Variants in FMO2 observed in about 807,000 individuals in gnomAD.
FMO2 encodes the protein flavin-containing monooxygenase 2.
A neutral mutation model predicts 41.6 loss-of-function variants in FMO2; 33 were observed. That is an observed-to-expected ratio of 0.79 (90% CI 0.60 to 1.06). The LOEUF (loss-of-function observed/expected upper bound fraction) is 1.06. Ranked by LOEUF, FMO2 falls within the 50% of genes least tolerant of loss-of-function variation. FMO2 has a pLI of 0.00. For synonymous variants in FMO2, 214 were observed against 219.6 expected (o/e 0.97, Z 0.23); for missense variants, 619 against 632.9 (o/e 0.98, Z 0.23).
intron 7 of FMO2, among the ~76,000 whole-genome samples, chr1:171,205,842 A>G (rs1658740422): frequency 6.6e-6 from 1 of 152,206 alleles, no homozygotes; most frequent in African/African-American, 2.4e-5. Flanking sequence ...ACCTGCAATC[A>G]TCCTTTTAAA....
chr1:171,190,819 T>C (rs1271478901), intron 2 of FMO2, among the ~76,000 whole-genome samples: 2 of 152,226 alleles, frequency 1.3e-5, no homozygotes, highest in African/African-American at 4.8e-5. Flanking sequence ...GGGTCTTTTT[T>C]AGCTGCTATT....
chr1:171,194,583 A>T (rs1254643227), intron 3 of FMO2, among the ~76,000 whole-genome samples: 1 of 152,106 alleles, frequency 6.6e-6, no homozygotes, highest in African/African-American at 2.4e-5. Context: ...TACAGTGAAA[A>T]TCTGTCTCTA....
rs1659012276 is a variant in FMO2, at chr1:171,212,274, C to T, written c.*3129C>T. ...AGTTTGGCTCCCTCTTTTCCTCACA[C>T]ACTCTTTTTCCCTTCTGCCTTCACC... On this transcript the variant is annotated 3_prime_UTR_variant, in exon 9 of 9. Transcript: ENST00000209929. 6.6e-6 allele frequency among the ~76,000 whole-genome samples: 1 copy of T among 152,188 alleles called. No individual in the cohort carries two copies. The highest frequency in any genetic ancestry group is 2.1e-4 in the South Asian group (1 of 4,824).
intron 2 of FMO2, chr1:171,186,367 T>C (rs1020051725): frequency 1.3e-5 from 2 of 152,796 alleles, no homozygotes; most frequent in African/African-American, 2.4e-5. Flanking sequence ...AACCAAAATA[T>C]TGATAATGCT....
intron 7 of FMO2, 150 bp from the exon 8 acceptor site, chr1:171,207,568 G>A: frequency 3.1e-6 from 2 of 637,390 alleles, no homozygotes; most frequent in South Asian, 1.9e-5. Context: ...GAGTGCTATG[G>A]GGGTGGCACC....
At chr1:171,203,772 T>G in intron 5 of FMO2, 93 bp from the exon 6 acceptor site, 1 of 1,073,110 alleles carries the variant, frequency 9.3e-7, no homozygotes, top group Non-Finnish European at 1.4e-6. Context: ...CTGTAAATTC[T>G]GGGGCTACAC....
intron 4 of FMO2, 138 bp downstream of exon 4, chr1:171,196,949 GAA>G (rs1658334490): frequency 1.5e-6 from 1 of 683,008 alleles, no homozygotes; most frequent in Non-Finnish European, 2.5e-6. Context: ...CTAGAAAGAT[GAA>G]AGACACCAAA....
rs749433710 is a variant in FMO2 at position 171,193,493 on chromosome 1, A to T, written c.291A>T (p.Lys97Asn). 8.1e-6 allele frequency: 13 copies of T among 1,610,036 alleles called. No homozygotes were observed. The East Asian group carries it at 2.0e-4, about 25-fold the overall frequency. Residue 97 changes from lysine to asparagine, a missense_variant, in exon 3 of 9, where the codon AAA becomes AAT. Physicochemically the swap from Lys to Asn is moderately conservative, Grantham distance 94. Coordinates refer to ENST00000209929, the MANE Select transcript of FMO2 (RefSeq NM_001460.5). ...LLEYFRIFAK[K>N]FDLLKYIQFQ... Reference sequence around the variant, plus strand: ...AATATTTCAGGATTTTTGCTAAAAAATTTGATCTGCTAAAATATATTCAGT... The same window carrying T: ...AATATTTCAGGATTTTTGCTAAAAATTTTGATCTGCTAAAATATATTCAGT...
chr1:171,187,627 CAAAAAAAAAAAAAA>C (rs765479366), intron 2 of FMO2, among the ~76,000 whole-genome samples: 1 of 82,618 alleles, frequency 1.2e-5, no homozygotes, highest in African/African-American at 4.2e-5. Flanking sequence ...AACCTGCCAC[CAAAAAAAAAAAAAA>C]AAAAAAAAAA....
At chr1:171,202,139 G>T (rs1317547239) in intron 5 of FMO2, among the ~76,000 whole-genome samples, 2 of 152,114 alleles carry the variant, frequency 1.3e-5, no homozygotes, top group Middle Eastern at 3.2e-3. Flanking sequence ...ATTAAGGCAG[G>T]TTAGACCACC....
rs1658939521 is a variant in FMO2, at chr1:171,210,599, C to T, written c.*1454C>T. The T allele has an allele frequency of 2.0e-5, 3 of 152,236 alleles. No individual in the cohort carries two copies. The highest frequency in any genetic ancestry group is 2.0e-4 in the Admixed American group (3 of 15,272). 9.4% of individuals were successfully genotyped at this position (152,236 alleles called of 1,614,324 possible). A position where few individuals can be genotyped will look rare whatever the true frequency, so the allele number is the denominator to read the frequency against. On this transcript the variant is annotated 3_prime_UTR_variant, in exon 9 of 9. Transcript: ENST00000209929. ...CTGTGCTTTGGAAGATAAGCTCTGT[C>T]CTGAGTCCAAACCAAGCCCTTCCAA... is the stretch of plus-strand genomic sequence containing the variant.
At position 171,211,085 on chromosome 1, in the gene FMO2, A is replaced by G. The variant is rs1006250104; in HGVS notation, c.*1940A>G. The G allele has an allele frequency of 2.6e-5, 4 of 151,936 alleles. No homozygotes were observed. The highest frequency in any genetic ancestry group is 9.7e-5 in the African/African-American group (4 of 41,198). 9.4% of individuals were successfully genotyped at this position (151,936 alleles called of 1,614,324 possible). A position where few individuals can be genotyped will look rare whatever the true frequency, so the allele number is the denominator to read the frequency against. On this transcript the variant is annotated 3_prime_UTR_variant, in exon 9 of 9. Transcript: ENST00000209929. ...GGTTAAAAAATATATTGCTTTGTTA[A>G]GTATTAAAGATTATTTGTAAGTCAT...
intron 3 of FMO2, among the ~76,000 whole-genome samples, chr1:171,193,978 C>T (rs12745967): frequency 6.6e-6 from 1 of 152,028 alleles, no homozygotes; most frequent in African/African-American, 2.4e-5. Flanking sequence ...CGAGGTTTCA[C>T]CATTTGGGCC....
intron 8 of FMO2, 122 bp downstream of exon 8, chr1:171,207,912 A>AAT: frequency 3.1e-6 from 2 of 654,052 alleles, no homozygotes; most frequent in Non-Finnish European, 5.4e-6. Flanking sequence ...AGCCCAGATG[A>AAT]TTGAATCAGA....
chr1:171,199,197 TA>T, intron 4 of FMO2, 148 bp from the exon 5 acceptor site: 1 of 699,742 alleles, frequency 1.4e-6, no homozygotes, highest in Non-Finnish European at 2.2e-6. Flanking sequence ...GTCTGGTACC[TA>T]AACTTTCTTA....
chr1:171,191,910 C>T (rs61814359), intron 2 of FMO2, among the ~76,000 whole-genome samples: 1,654 of 118,118 alleles, frequency 0.014, 19 homozygotes, highest in Non-Finnish European at 0.019. Context: ...TAGTGGCACG[C>T]GCCTGTAGTC....
At chr1:171,192,626 C>A (rs1441029438) in intron 2 of FMO2, among the ~76,000 whole-genome samples, 1 of 151,866 alleles carries the variant, frequency 6.6e-6, no homozygotes, top group Admixed American at 6.6e-5. Flanking sequence ...ATTAGCCGGG[C>A]GTGGTGGCAG....
intron 7 of FMO2, 38 bp from the exon 8 acceptor site, chr1:171,207,680 C>T (rs1219726284): frequency 1.5e-6 from 2 of 1,335,128 alleles, no homozygotes; most frequent in Non-Finnish European, 2.1e-6. Context: ...ATGATATTGA[C>T]TCAAACTTAC....
chr1:171,187,654 A>G (rs926085262), intron 2 of FMO2, among the ~76,000 whole-genome samples: 11 of 132,106 alleles, frequency 8.3e-5, no homozygotes, highest in South Asian at 2.5e-4. Context: ...AAAAAAAAAA[A>G]TACTGATTTG....
Sources: gnomAD v4.1 joint callset for allele counts (sites outside exome capture counted in the v4.1 genomes callset) on GRCh38, gnomAD v4.1.1 for gene constraint, MANE v1.5 for transcripts, NCBI Gene and HGNC (gene_info 2026-07-23, HGNC 2026-07-21) for gene names.